C3orf70: variants seen among roughly 807,000 people sequenced by gnomAD.
The protein encoded by C3orf70 is UPF0524 protein C3orf70.
In C3orf70, 15 loss-of-function variants were observed where a neutral mutation model predicts 20.7. The observed-to-expected ratio is 0.72, with a 90% CI of 0.48 to 1.11. The LOEUF is 1.11. C3orf70 is among the 50% of genes most tolerant of loss of function. The probability of loss-of-function intolerance (pLI) is 0.00; values close to 1 mark genes in which losing one functional copy is unlikely to be tolerated. For missense variants in C3orf70, 332 were observed against 317.6 expected (o/e 1.05, Z -0.34); for synonymous variants, 161 against 125.7 (o/e 1.28, Z -1.88).
chr3:185,101,911 G>A (rs1024352655), intron 1 of C3orf70, among the ~76,000 whole-genome samples: 30 of 152,306 alleles, frequency 2.0e-4, no homozygotes, highest in African/African-American at 6.7e-4. Context: ...ACTAGGTATT[G>A]AAGGAAAATA....
intron 1 of C3orf70, among the ~76,000 whole-genome samples, chr3:185,091,874 A>C (rs1390439169): frequency 7.6e-6 from 1 of 132,396 alleles, no homozygotes; most frequent in African/African-American, 3.0e-5. Flanking sequence ...TTATATATAT[A>C]TATATAATAT....
chr3:185,122,083 A>G (rs1485736627), intron 1 of C3orf70, among the ~76,000 whole-genome samples: 1 of 147,410 alleles, frequency 6.8e-6, no homozygotes, highest in Non-Finnish European at 1.5e-5. Flanking sequence ...TGGGTGACAG[A>G]GCGAGACTCC....
intron 1 of C3orf70, among the ~76,000 whole-genome samples, chr3:185,092,931 C>A (rs1164660426): frequency 6.7e-6 from 1 of 148,718 alleles, no homozygotes; most frequent in Non-Finnish European, 1.5e-5. Flanking sequence ...GTGGAGGTTG[C>A]AGTGAGCCAA....
rs1018925811 is a variant in C3orf70, at chr3:185,080,760, A to G, written c.*2247T>C. 8 of 151,616 alleles carry G rather than the reference A, an allele frequency of 5.3e-5. No individual in the cohort carries two copies. The highest frequency in any genetic ancestry group is 1.5e-4 in the African/African-American group (6 of 41,262). The allele number at this position is 151,616 out of a possible 1,614,324, so 9.4% of individuals were successfully genotyped here. A position where few individuals can be genotyped will look rare whatever the true frequency, so the allele number is the denominator to read the frequency against. ...TCATCAGATGTCCCTGTGCCACCTGAGCCATGCCCTGGCAGGGGGAAGCTC... is the reference window on the plus strand; with the variant it reads ...TCATCAGATGTCCCTGTGCCACCTGGGCCATGCCCTGGCAGGGGGAAGCTC... On this transcript the variant is annotated 3_prime_UTR_variant, in exon 2 of 2. Transcript: ENST00000335012.
intron 1 of C3orf70, among the ~76,000 whole-genome samples, chr3:185,131,567 C>G (rs772336264): frequency 7.2e-5 from 11 of 152,134 alleles, no homozygotes; most frequent in Non-Finnish European, 1.3e-4. Flanking sequence ...TTGTAACAGA[C>G]TTTTTTCTGA....
chr3:185,125,761 A>G (rs1407781595), intron 1 of C3orf70, among the ~76,000 whole-genome samples: 3 of 152,252 alleles, frequency 2.0e-5, no homozygotes, highest in African/African-American at 4.8e-5. Context: ...TTCCATTTAT[A>G]TAACATCCTG....
At chr3:185,145,430 C>A (rs890991551) in intron 1 of C3orf70, among the ~76,000 whole-genome samples, 1 of 151,238 alleles carries the variant, frequency 6.6e-6, no homozygotes, top group East Asian at 1.9e-4. Context: ...ACTGCCTAGT[C>A]TTTTTTGCCT....
chr3:185,127,165 A>G (rs1366449593), intron 1 of C3orf70, among the ~76,000 whole-genome samples: 3 of 152,172 alleles, frequency 2.0e-5, no homozygotes, highest in African/African-American at 7.2e-5. Flanking sequence ...CTAGAACCAT[A>G]GGATGAAAAA....
rs939914419 is a variant in C3orf70, at chr3:185,082,847, C to T, written c.*160G>A. ...TAAAAAGAATGTCTTAGTTGTAAGA[C>T]GGAGAGAAGCTAATCAGCATACCAC... is the stretch of plus-strand genomic sequence containing the variant. On this transcript the variant is annotated 3_prime_UTR_variant, in exon 2 of 2. Coordinates refer to ENST00000335012, the MANE Select transcript of C3orf70 (RefSeq NM_001025266.3). 14 of 670,844 alleles carry T rather than the reference C, an allele frequency of 2.1e-5. No individual in the cohort carries two copies. The highest frequency in any genetic ancestry group is 3.4e-5 in the Non-Finnish European group (13 of 385,250). 41.6% of individuals were successfully genotyped at this position (670,844 alleles called of 1,614,324 possible).
At chr3:185,106,879 A>G (rs1176298024) in intron 1 of C3orf70, among the ~76,000 whole-genome samples, 1 of 152,242 alleles carries the variant, frequency 6.6e-6, no homozygotes, top group Non-Finnish European at 1.5e-5. Context: ...ATTGACTCAG[A>G]TTACAATGAG....
chr3:185,098,342 C>T (rs1715752579), intron 1 of C3orf70, among the ~76,000 whole-genome samples: 1 of 152,158 alleles, frequency 6.6e-6, no homozygotes, highest in South Asian at 2.1e-4. Flanking sequence ...TTTAATGTTG[C>T]TAATAAAAAC....
At chr3:185,110,659 G>C (rs756659703) in intron 1 of C3orf70, among the ~76,000 whole-genome samples, 1 of 152,184 alleles carries the variant, frequency 6.6e-6, no homozygotes, top group African/African-American at 2.4e-5. Context: ...GAAGGTTGTG[G>C]GTTTATGGGA....
chr3:185,153,059 C>CCACGCGCACACG lies in C3orf70; in HGVS notation c.-237_-236insCGTGTGCGCGTG, dbSNP rs1313809926. 3 of 151,416 alleles carry CCACGCGCACACG rather than the reference C, an allele frequency of 2.0e-5. No homozygotes were observed. Among genetic ancestry groups the CCACGCGCACACG allele is most frequent in the Non-Finnish European group, 4.4e-5 (3 of 68,850 alleles). 9.4% of individuals were successfully genotyped at this position (151,416 alleles called of 1,614,324 possible). On this transcript the variant is annotated 5_prime_UTR_variant, in exon 1 of 2. Coordinates refer to ENST00000335012, the MANE Select transcript of C3orf70 (RefSeq NM_001025266.3). The surrounding 1 kb of genome is among the most constrained non-coding windows in gnomAD (Gnocchi z 6.8). ...CCTCCGGCGCGGCGCGCGCCGCGCC[C>CCACGCGCACACG]CACGCGCACACGCACGCGCACAGGC...
Position 185,082,707 on chromosome 3 carries a change from C to T in C3orf70, c.*300G>A, listed in dbSNP as rs961185956. ...CCTCAATCTGATCCAAGATTCTCTG[C>T]GACCATCACTTCACCGCCTTCAAAT... On this transcript the variant is annotated 3_prime_UTR_variant, in exon 2 of 2. Coordinates refer to ENST00000335012, the MANE Select transcript of C3orf70 (RefSeq NM_001025266.3). 4 of 323,348 alleles carry T rather than the reference C, an allele frequency of 1.2e-5. No individual in the cohort carries two copies. Among genetic ancestry groups the T allele is most frequent in the East Asian group, 1.2e-4 (2 of 16,200 alleles). The allele number at this position is 323,348 out of a possible 1,614,324, so 20.0% of individuals were successfully genotyped here. A position where few individuals can be genotyped will look rare whatever the true frequency, so the allele number is the denominator to read the frequency against.
intron 1 of C3orf70, among the ~76,000 whole-genome samples, chr3:185,118,208 A>T (rs958424553): frequency 3.9e-5 from 6 of 152,210 alleles, no homozygotes; most frequent in Non-Finnish European, 1.5e-5. Flanking sequence ...ATGTTCTTTC[A>T]TATCTGCAAG....
intron 1 of C3orf70, among the ~76,000 whole-genome samples, chr3:185,094,087 T>G (rs1157684361): frequency 1.4e-5 from 2 of 144,124 alleles, no homozygotes; most frequent in Non-Finnish European, 3.0e-5. Flanking sequence ...TTTTTTTTTT[T>G]TTTTTTTTTT....
At chr3:185,109,179 A>C (rs1716009340) in intron 1 of C3orf70, among the ~76,000 whole-genome samples, 1 of 152,172 alleles carries the variant, frequency 6.6e-6, no homozygotes, top group South Asian at 2.1e-4. Context: ...ATTAACTTTA[A>C]ATTTTTTGAG....
At position 185,077,337 on chromosome 3, in the gene C3orf70, C is replaced by T. The variant is rs138671739; in HGVS notation, c.*5670G>A. Among the ~76,000 whole-genome samples, 1 of 152,002 alleles carries T rather than the reference C, an allele frequency of 6.6e-6. No homozygotes were observed. Among genetic ancestry groups the T allele is most frequent in the Non-Finnish European group, 1.5e-5 (1 of 68,016 alleles). Reference sequence around the variant, plus strand: ...AGAGCCAAAGTGACCGGGTTCAAACCCTGACTGCCACTCATGTACGAGCTG... The same window carrying T: ...AGAGCCAAAGTGACCGGGTTCAAACTCTGACTGCCACTCATGTACGAGCTG... On this transcript the variant is annotated 3_prime_UTR_variant, in exon 2 of 2. Transcript: ENST00000335012.
chr3:185,150,441 A>C (rs772302732), intron 1 of C3orf70, among the ~76,000 whole-genome samples: 4 of 152,210 alleles, frequency 2.6e-5, no homozygotes, highest in Non-Finnish European at 4.4e-5. Context: ...GGCTCATTCT[A>C]ATGAAATGAA....
Sources: gnomAD v4.1 joint callset for allele counts (sites outside exome capture counted in the v4.1 genomes callset) on GRCh38, gnomAD v4.1.1 for gene constraint, Gnocchi (gnomAD v3.1) non-coding constraint, MANE v1.5 for transcripts, NCBI Gene and HGNC (gene_info 2026-07-23, HGNC 2026-07-21) for gene names.